The following SLC9A6 variants were observed in gnomAD, a reference collection of about 807,000 sequenced individuals.
SLC9A6 encodes the protein solute carrier family 9 member A6.
Under a neutral mutation model 45.3 loss-of-function variants are expected in SLC9A6, and 6 were observed. The ratio of observed to expected loss-of-function variants is 0.13; its 90% CI spans 0.07 to 0.26. The LOEUF is 0.26. Ranked by LOEUF, SLC9A6 falls within the 10% of genes least tolerant of loss-of-function variation. The pLI, the probability that SLC9A6 is intolerant of heterozygous loss-of-function variation, is 1.00. For missense variants in SLC9A6, 278 were observed against 503.7 expected (o/e 0.55, Z 4.29); for synonymous variants, 191 against 187.7 (o/e 1.02, Z -0.14).
At chrX:136,012,885 CTG>C (rs2070949977) in intron 8 of SLC9A6, 62 bp from the exon 9 acceptor site, 7 of 837,585 alleles carry the variant, frequency 8.4e-6, no homozygotes, top group Non-Finnish European at 7.2e-6. Flanking sequence ...CTTGCTTAAA[CTG>C]TTATTTTTTC....
At chrX:136,001,963 G>C (rs2089590526) in intron 6 of SLC9A6, 145 bp from the exon 7 acceptor site, 4 of 434,349 alleles carry the variant, frequency 9.2e-6, no homozygotes, top group African/African-American at 7.5e-5. Context: ...AAAATTACGG[G>C]GTCTTTAATA....
chrX:136,004,979 A>G (rs916665560), intron 7 of SLC9A6, among the ~76,000 whole-genome samples: 2 of 112,459 alleles, frequency 1.8e-5, no homozygotes, highest in African/African-American at 6.5e-5. Flanking sequence ...ACTACAAAGT[A>G]AAGAGAGTAG....
chrX:135,996,049 T>TG (rs2089492071), intron 3 of SLC9A6, among the ~76,000 whole-genome samples: 1 of 96,648 alleles, frequency 1.0e-5, no homozygotes, highest in Non-Finnish European at 2.0e-5. Flanking sequence ...TTTTTTTTTT[T>TG]GACACAGGGT....
At position 135,996,871 on chromosome X, in the gene SLC9A6, G is replaced by A. The variant is rs1242728582; in HGVS notation, c.370-1237G>A. ...AAGCTCTGCCTCCTGGGTTCACGCC[G>A]TTCTCCTGCCTCAGCCTCCCGAGTA... On this transcript the variant is annotated intron_variant, in intron 3 of 17. Coordinates refer to ENST00000630721, the MANE Select transcript of SLC9A6 (RefSeq NM_001379110.1). Among the ~76,000 whole-genome samples, 160 of 108,736 alleles carry A rather than the reference G, an allele frequency of 1.5e-3. 1 individual carries two copies. Among genetic ancestry groups the A allele is most frequent in the Admixed American group, 5.1e-3 (52 of 10,210 alleles). 94.4% of individuals were successfully genotyped at this position (108,736 alleles called of 115,157 possible).
intron 13 of SLC9A6, among the ~76,000 whole-genome samples, chrX:136,026,210 C>G (rs920660089): frequency 2.7e-5 from 3 of 111,723 alleles, no homozygotes; most frequent in African/African-American, 6.5e-5. Context: ...TTCCCTCCCC[C>G]CAAATTTGTC....
Position 135,998,171 on chromosome X carries a change from T to G in SLC9A6, c.433T>G (p.Tyr145Asp). 9.0e-7 allele frequency: 1 copy of G among 1,115,678 alleles called. No individual in the cohort carries two copies. Among genetic ancestry groups the G allele is most frequent in the African/African-American group, 1.8e-5 (1 of 56,097 alleles). 91.9% of individuals were successfully genotyped at this position (1,115,678 alleles called of 1,213,427 possible). ...LLPPIIFYAG[Y>D]SLKRRHFFRN... The stretch of plus-strand genomic sequence containing the variant: ...TCCTCCTATCATATTTTATGCAGGT[T>G]ATAGCCTGAAAAGGGTAAGTCCTTT... Residue 145 changes from tyrosine to aspartate, a missense_variant, in exon 4 of 18, where the codon TAT becomes GAT. Tyr to Asp is a radical substitution (Grantham distance 160, BLOSUM62 -3). Coordinates refer to ENST00000630721, the MANE Select transcript of SLC9A6 (RefSeq NM_001379110.1).
At chrX:136,028,789 G>A in intron 13 of SLC9A6, 97 bp from the exon 14 acceptor site, 1 of 278,074 alleles carries the variant, frequency 3.6e-6, no homozygotes, top group East Asian at 5.2e-5. Flanking sequence ...TGTGTTCTGG[G>A]ATGCTACTGC....
chrX:136,044,362 G>C (rs2071561978), intron 17 of SLC9A6, 90 bp from the exon 18 acceptor site: 1 of 822,324 alleles, frequency 1.2e-6, no homozygotes, highest in South Asian at 2.2e-5. Context: ...CCACTTAAGG[G>C]TTTTAATGGG....
intron 15 of SLC9A6, among the ~76,000 whole-genome samples, chrX:136,030,646 A>G (rs2148197556): frequency 9.0e-6 from 1 of 111,356 alleles, no homozygotes; most frequent in East Asian, 2.8e-4. Context: ...AGGGAAACGC[A>G]CTTTCTTACC....
At chrX:136,037,297 G>T (rs2071428166) in intron 16 of SLC9A6, among the ~76,000 whole-genome samples, 1 of 112,232 alleles carries the variant, frequency 8.9e-6, no homozygotes, top group Non-Finnish European at 1.9e-5. Context: ...TATTGGGTTT[G>T]TATTGAATCC....
At chrX:136,039,367 T>C (rs1287619227) in intron 16 of SLC9A6, among the ~76,000 whole-genome samples, 1 of 111,368 alleles carries the variant, frequency 9.0e-6, no homozygotes, top group Non-Finnish European at 1.9e-5. Context: ...TTTTCTCCTT[T>C]TTCTTGTGAT....
At chrX:136,008,749 G>A (rs782152283) in intron 7 of SLC9A6, among the ~76,000 whole-genome samples, 23 of 111,270 alleles carry the variant, frequency 2.1e-4, no homozygotes, top group Non-Finnish European at 3.6e-4. Context: ...TACTTTCAGG[G>A]TTTAAAAAAA....
upstream of SLC9A6, chrX:135,983,531 G>T (rs2089296994): frequency 9.2e-6 from 1 of 109,097 alleles, no homozygotes; most frequent in Non-Finnish European, 1.9e-5. Flanking sequence ...GCCTCAGGGG[G>T]ATTGGCTGCC....
At chrX:136,005,299 T>C (rs2089639798) in intron 7 of SLC9A6, among the ~76,000 whole-genome samples, 1 of 112,480 alleles carries the variant, frequency 8.9e-6, no homozygotes, top group African/African-American at 3.2e-5. Flanking sequence ...TTAGGAATAG[T>C]TGATTAGTGT....
At position 135,989,883 on chromosome X, in the gene SLC9A6, A is replaced by G. The variant is rs913467991; in HGVS notation, c.169+4056A>G. 2.8e-5 allele frequency among the ~76,000 whole-genome samples: 3 copies of G among 108,765 alleles called. No individual in the cohort carries two copies. The South Asian group carries it at 1.2e-3, about 43-fold the overall frequency. 94.4% of individuals were successfully genotyped at this position (108,765 alleles called of 115,157 possible). ...TTAGGACCTCTCTGTTTTGTGAAAGATATCTCTTTGTGGTTGTGTTTTTTT... is the reference window on the plus strand; with the variant it reads ...TTAGGACCTCTCTGTTTTGTGAAAGGTATCTCTTTGTGGTTGTGTTTTTTT... On this transcript the variant is annotated intron_variant, in intron 2 of 17. Coordinates refer to ENST00000630721, the MANE Select transcript of SLC9A6 (RefSeq NM_001379110.1).
At chrX:135,996,247 G>C (rs2089495709) in intron 3 of SLC9A6, among the ~76,000 whole-genome samples, 1 of 108,559 alleles carries the variant, frequency 9.2e-6, no homozygotes, top group African/African-American at 3.4e-5. Context: ...GTCTAGGCTT[G>C]TCTCAAACTC....
intron 2 of SLC9A6, among the ~76,000 whole-genome samples, chrX:135,990,139 C>G (rs2089408108): frequency 9.0e-6 from 1 of 110,737 alleles, no homozygotes; most frequent in Non-Finnish European, 1.9e-5. Context: ...GTGACCGCCA[C>G]CACGCCTGGC....
chrX:135,997,934 G>A (rs1470515209), intron 3 of SLC9A6, among the ~76,000 whole-genome samples, 174 bp from the exon 4 acceptor site: 2 of 111,915 alleles, frequency 1.8e-5, no homozygotes, highest in Non-Finnish European at 3.8e-5. Flanking sequence ...TCTCCTGGTC[G>A]TTTGGTTGAG....
intron 11 of SLC9A6, among the ~76,000 whole-genome samples, chrX:136,020,851 A>G (rs1569525182): frequency 3.7e-5 from 4 of 107,786 alleles, no homozygotes; most frequent in Non-Finnish European, 7.7e-5. Context: ...TATCTTCATC[A>G]TTGTTTTTAA....
Sources: gnomAD v4.1 joint callset for allele counts (sites outside exome capture counted in the v4.1 genomes callset) on GRCh38, gnomAD v4.1.1 for gene constraint, MANE v1.5 for transcripts, NCBI Gene and HGNC (gene_info 2026-07-23, HGNC 2026-07-21) for gene names.